Variants in CDS2 observed in about 807,000 individuals in gnomAD.
The protein encoded by CDS2 is CDP-diacylglycerol synthase 2.
CDS2 carries 47 observed loss-of-function variants against 59.0 expected under a neutral mutation model. The observed-to-expected ratio is 0.80, with a 90% confidence interval of 0.63 to 1.02. CDS2 has a LOEUF of 1.02. Among genes scored for constraint, CDS2 ranks in the 50% least tolerant of loss-of-function variants. The pLI is 0.00. For synonymous variants in CDS2, 207 were observed against 206.4 expected (o/e 1.00, Z -0.02); for missense variants, 356 against 558.9 (o/e 0.64, Z 3.66).
intron 1 of CDS2, among the ~76,000 whole-genome samples, chr20:5,129,477 CT>C (rs1212310361): frequency 3.3e-5 from 5 of 149,440 alleles, no homozygotes; most frequent in African/African-American, 1.2e-4. Context: ...GAGTTTCGCT[CT>C]TTTGCCCAGG....
chr20:5,127,741 T>C (rs1202888109), intron 1 of CDS2, among the ~76,000 whole-genome samples: 1 of 150,476 alleles, frequency 6.6e-6, no homozygotes, highest in African/African-American at 2.5e-5. Flanking sequence ...TCCTGCACCG[T>C]GTGGGCTCTG....
In CDS2 at chr20:5,192,473, G is replaced by A. The variant is rs1392740232; in HGVS notation, c.*2239G>A. Reference sequence around the variant, plus strand: ...CTCCTGCATGCTTTCTGGAGATGAGGATTTTTTGTCAGGTAGCTAGGAGAG... The same window carrying A: ...CTCCTGCATGCTTTCTGGAGATGAGAATTTTTTGTCAGGTAGCTAGGAGAG... On this transcript the variant is annotated 3_prime_UTR_variant, in exon 13 of 13. Coordinates refer to ENST00000460006, the MANE Select transcript of CDS2 (RefSeq NM_003818.4). 1 of 152,294 alleles carries A rather than the reference G, an allele frequency of 6.6e-6. No individual in the cohort carries two copies. Among genetic ancestry groups the A allele is most frequent in the Non-Finnish European group, 1.5e-5 (1 of 68,180 alleles). The allele number at this position is 152,294 out of a possible 1,614,324, so 9.4% of individuals were successfully genotyped here.
At chr20:5,169,649 G>A (rs1210161729) in intron 1 of CDS2, among the ~76,000 whole-genome samples, 1 of 152,170 alleles carries the variant, frequency 6.6e-6, no homozygotes, top group Non-Finnish European at 1.5e-5. Flanking sequence ...CATATGTCTT[G>A]ATAATGCCCA....
At chr20:5,138,859 G>C (rs28813461) in intron 1 of CDS2, among the ~76,000 whole-genome samples, 145 of 152,054 alleles carry the variant, frequency 9.5e-4, no homozygotes, top group South Asian at 3.3e-3. Context: ...TAAAATGACC[G>C]TACTACCTAA....
intron 1 of CDS2, among the ~76,000 whole-genome samples, chr20:5,144,063 G>A (rs889879623): frequency 6.6e-6 from 1 of 151,916 alleles, no homozygotes; most frequent in Admixed American, 6.6e-5. Flanking sequence ...CCACGCCCCC[G>A]CCTGCTTTCA....
At chr20:5,179,688 G>C (rs1055551452) in intron 5 of CDS2, among the ~76,000 whole-genome samples, 1 of 152,212 alleles carries the variant, frequency 6.6e-6, no homozygotes, top group African/African-American at 2.4e-5. Context: ...TGCAACCTCA[G>C]GGGGAGCTAG....
At chr20:5,141,950 ACT>A (rs979047059) in intron 1 of CDS2, among the ~76,000 whole-genome samples, 14 of 152,182 alleles carry the variant, frequency 9.2e-5, no homozygotes, top group Admixed American at 7.2e-4. Context: ...TTCACACACT[ACT>A]CTCTCTGATT....
chr20:5,184,487 G>A lies in CDS2; in HGVS notation c.672-371G>A, dbSNP rs893464645. ...CACTAGAAAAATAAAAATTAGAAAC[G>A]ATTAGAAGTGGTTATTTTTGGGAAT... On this transcript the variant is annotated intron_variant, in intron 7 of 12. Coordinates refer to ENST00000460006, the MANE Select transcript of CDS2 (RefSeq NM_003818.4). The surrounding 1 kb of genome is among the most constrained non-coding windows in gnomAD (Gnocchi z 4.3). Among the ~76,000 whole-genome samples the A allele has an allele frequency of 2.6e-5, 4 of 152,168 alleles. No individual in the cohort carries two copies. The highest frequency in any genetic ancestry group is 9.7e-5 in the African/African-American group (4 of 41,436).
At chr20:5,127,805 G>A (rs1250802656) in intron 1 of CDS2, among the ~76,000 whole-genome samples, 1 of 152,108 alleles carries the variant, frequency 6.6e-6, no homozygotes, top group Non-Finnish European at 1.5e-5. Context: ...ACAGTGGCGG[G>A]GGTGACGGGT....
intron 1 of CDS2, among the ~76,000 whole-genome samples, chr20:5,162,267 A>T (rs1226838632): frequency 6.6e-6 from 1 of 152,218 alleles, no homozygotes; most frequent in Non-Finnish European, 1.5e-5. Context: ...GGAAATGCTC[A>T]TTGGAGCATT....
intron 1 of CDS2, chr20:5,128,120 C>T (rs6085009): frequency 1.3e-5 from 2 of 152,192 alleles, no homozygotes; most frequent in African/African-American, 4.8e-5. Context: ...AAAGTTTCTC[C>T]TAACAATCTA....
At position 5,173,448 on chromosome 20, in the gene CDS2, CAT is replaced by C. The variant is rs897335088; in HGVS notation, c.58-74_58-73del. ...TTGGAGTCTTTCCCCACAGATCTCT[CAT>C]GACAGGCATAGACTTCTCAATGGTC... On this transcript the variant is annotated intron_variant, in intron 1 of 12. Coordinates refer to ENST00000460006, the MANE Select transcript of CDS2 (RefSeq NM_003818.4). 132 of 1,541,816 alleles carry C rather than the reference CAT, an allele frequency of 8.6e-5. No individual in the cohort carries two copies. In the African/African-American group the frequency reaches 1.4e-3, roughly 16 times the overall value.
Position 5,157,992 on chromosome 20 carries a change from C to A in CDS2, c.58-15531C>A, listed in dbSNP as rs138345524. On this transcript the variant is annotated intron_variant, in intron 1 of 12. Transcript: ENST00000460006. ...CAAGCTTGTCTGACCCACGACCCAA[C>A]ACAAATTCGTAAACTTTCTTAAAAC... Among the ~76,000 whole-genome samples the A allele has an allele frequency of 2.0e-4, 30 of 152,252 alleles. 1 individual carries two copies. In the East Asian group the frequency reaches 5.2e-3, roughly 26 times the overall value.
intron 4 of CDS2, among the ~76,000 whole-genome samples, chr20:5,178,177 G>A (rs570646967): frequency 1.0e-3 from 156 of 152,278 alleles, no homozygotes; most frequent in Admixed American, 1.8e-3. Context: ...AAGAGTTAAC[G>A]CTAATGGAAG....
intron 1 of CDS2, 122 bp from the exon 2 acceptor site, chr20:5,173,401 G>A: frequency 9.4e-7 from 1 of 1,067,316 alleles, no homozygotes; most frequent in Admixed American, 1.9e-5. Context: ...TCACCTGACT[G>A]TGCCAGGTTC....
At chr20:5,151,099 G>A (rs777268704) in intron 1 of CDS2, among the ~76,000 whole-genome samples, 10 of 152,176 alleles carry the variant, frequency 6.6e-5, no homozygotes, top group Non-Finnish European at 1.3e-4. Context: ...CTCTGGTTTC[G>A]GGAGGAATTT....
chr20:5,130,006 C>T (rs2090591279), intron 1 of CDS2, among the ~76,000 whole-genome samples: 1 of 151,666 alleles, frequency 6.6e-6, no homozygotes, highest in Admixed American at 6.6e-5. Context: ...GAGTTTCGCT[C>T]TTGTTGCCCA....
intron 1 of CDS2, among the ~76,000 whole-genome samples, chr20:5,130,857 C>T (rs558327403): frequency 2.0e-4 from 30 of 151,578 alleles, no homozygotes; most frequent in Admixed American, 1.4e-3. Flanking sequence ...TTTGGGAGGA[C>T]GAGGCGGGTG....
intron 1 of CDS2, among the ~76,000 whole-genome samples, chr20:5,145,553 C>T (rs1433818325): frequency 6.6e-6 from 1 of 152,168 alleles, no homozygotes; most frequent in Non-Finnish European, 1.5e-5. Context: ...GACGCTCCTT[C>T]TTCCTCCAGA....
Sources: allele counts gnomAD v4.1 joint callset (sites outside exome capture counted in the v4.1 genomes callset), GRCh38; gene constraint gnomAD v4.1.1; non-coding constraint Gnocchi (gnomAD v3.1); transcripts MANE v1.5; gene names NCBI Gene and HGNC (gene_info 2026-07-23, HGNC 2026-07-21).